Variants in GRM5 observed in about 807,000 individuals in gnomAD.
GRM5 encodes the protein glutamate metabotropic receptor 5.
A neutral mutation model predicts 83.1 loss-of-function variants in GRM5; 19 were observed. The ratio of observed to expected loss-of-function variants is 0.23; its 90% CI spans 0.16 to 0.34. The LOEUF (loss-of-function observed/expected upper bound fraction) is 0.34. GRM5 is among the 10% of genes least tolerant of loss of function. GRM5 has a pLI of 1.00. For synonymous variants in GRM5, 675 were observed against 633.6 expected (o/e 1.07, Z -0.98); for missense variants, 1,160 against 1,588.3 (o/e 0.73, Z 4.58).
intron 2 of GRM5, among the ~76,000 whole-genome samples, chr11:89,024,750 C>T (rs78478787): frequency 0.061 from 9,254 of 152,182 alleles, 636 homozygotes; most frequent in African/African-American, 0.17. Flanking sequence ...AAATCTAATA[C>T]CTTGGCCAAT....
chr11:89,038,901 T>G (rs533131148), intron 2 of GRM5, among the ~76,000 whole-genome samples: 1 of 152,216 alleles, frequency 6.6e-6, no homozygotes, highest in Non-Finnish European at 1.5e-5. Context: ...CACTCTTTAC[T>G]TGTCCATTCT....
intron 2 of GRM5, among the ~76,000 whole-genome samples, chr11:88,946,440 T>C (rs77697540): frequency 0.015 from 2,227 of 152,218 alleles, 58 homozygotes; most frequent in African/African-American, 0.051. Context: ...ACTTGAATGT[T>C]CTTTGCATCA....
intron 2 of GRM5, among the ~76,000 whole-genome samples, chr11:88,999,291 G>C (rs1364294711): frequency 6.6e-6 from 1 of 152,182 alleles, no homozygotes; most frequent in Non-Finnish European, 1.5e-5. Context: ...TACCATCAGA[G>C]TGAACAGGCA....
chr11:88,814,715 C>A, intron 3 of GRM5, among the ~76,000 whole-genome samples: 1 of 151,610 alleles, frequency 6.6e-6, no homozygotes, highest in East Asian at 1.9e-4. Flanking sequence ...ACAACAATCA[C>A]AAAAGTAAAA....
At chr11:88,845,400 G>T (rs1453164474) in intron 3 of GRM5, among the ~76,000 whole-genome samples, 1 of 144,920 alleles carries the variant, frequency 6.9e-6, no homozygotes, top group Middle Eastern at 3.8e-3. Context: ...CACTTATTAG[G>T]CTACAGTACA....
intron 3 of GRM5, among the ~76,000 whole-genome samples, chr11:88,828,869 G>A (rs1253958680): frequency 6.6e-6 from 1 of 151,904 alleles, no homozygotes; most frequent in Admixed American, 6.6e-5. Context: ...AAATTACAAA[G>A]GGTGGTAATA....
chr11:88,642,225 C>T (rs1202444322), intron 4 of GRM5, among the ~76,000 whole-genome samples: 2 of 152,176 alleles, frequency 1.3e-5, no homozygotes, highest in Non-Finnish European at 2.9e-5. Flanking sequence ...TATGTGTTCT[C>T]CTTTGAGCCA....
In GRM5 at chr11:88,933,223, G is replaced by A. The variant is rs551624304; in HGVS notation, c.662-83068C>T. 7.5e-4 allele frequency among the ~76,000 whole-genome samples: 39 copies of A among 52,132 alleles called. No individual in the cohort carries two copies. The South Asian group carries it at 0.023, about 31-fold the overall frequency. The allele number at this position is 52,132 out of a possible 152,430, so 34.2% of individuals were successfully genotyped here. ...TTTTTTTTTTGCTAAGCATATGTTT[G>A]ATTTGCCAGTGGAACAGAATTGTGT... On this transcript the variant is annotated intron_variant, in intron 2 of 9. Transcript: ENST00000305447.
In GRM5 at chr11:88,570,571, A is replaced by ATATATATATATATATTTT. The variant is rs1405339448; in HGVS notation, c.1691-2580_1691-2579insAAAATATATATATATATA. Among the ~76,000 whole-genome samples, 21 of 46,376 alleles carry ATATATATATATATATTTT rather than the reference A, an allele frequency of 4.5e-4. 1 individual carries two copies. Among genetic ancestry groups the ATATATATATATATATTTT allele is most frequent in the African/African-American group, 1.1e-3 (8 of 7,488 alleles). The allele number at this position is 46,376 out of a possible 152,430, so 30.4% of individuals were successfully genotyped here. On this transcript the variant is annotated intron_variant, in intron 7 of 9. Transcript: ENST00000305447. ...TAATAATATATATATATATATATATATTTTTTTTTTTTTTTTTTTTTTTTT... is the reference window on the plus strand; with the variant it reads ...TAATAATATATATATATATATATATATATATATATATATATTTTTTTTTTTTTTTTTTTTTTTTTTTTT...
At chr11:88,728,283 G>T (rs1941725984) in intron 3 of GRM5, among the ~76,000 whole-genome samples, 1 of 151,968 alleles carries the variant, frequency 6.6e-6, no homozygotes, top group Non-Finnish European at 1.5e-5. Flanking sequence ...AGAAGAAATG[G>T]ATAAATTTCT....
intron 2 of GRM5, among the ~76,000 whole-genome samples, chr11:88,945,218 A>G (rs534720371): frequency 6.6e-5 from 10 of 152,044 alleles, no homozygotes; most frequent in Non-Finnish European, 1.5e-4. Flanking sequence ...AACTACTTCA[A>G]AACACTGTTA....
intron 2 of GRM5, among the ~76,000 whole-genome samples, chr11:88,916,534 C>A (rs1438963602): frequency 6.6e-6 from 1 of 152,092 alleles, no homozygotes; most frequent in African/African-American, 2.4e-5. Flanking sequence ...CTAGCACCAC[C>A]ACCATGAGTT....
intron 3 of GRM5, among the ~76,000 whole-genome samples, chr11:88,771,217 C>T (rs1022234409): frequency 1.3e-5 from 2 of 151,830 alleles, no homozygotes; most frequent in Non-Finnish European, 2.9e-5. Flanking sequence ...AAGGATAGAA[C>T]TAATAGGATA....
intron 8 of GRM5, among the ~76,000 whole-genome samples, chr11:88,555,388 C>T (rs9299908): frequency 0.046 from 6,988 of 152,128 alleles, 508 homozygotes; most frequent in African/African-American, 0.15. Context: ...AAGAGTCTCA[C>T]GCGACTGGAC....
intron 2 of GRM5, among the ~76,000 whole-genome samples, chr11:88,938,279 C>T (rs1225582979): frequency 6.6e-6 from 1 of 151,608 alleles, no homozygotes; most frequent in African/African-American, 2.4e-5. Flanking sequence ...CATTTTACTC[C>T]TCTTAGGAAG....
At chr11:88,729,540 A>T (rs1941759163) in intron 3 of GRM5, among the ~76,000 whole-genome samples, 1 of 152,218 alleles carries the variant, frequency 6.6e-6, no homozygotes. Context: ...TAAAATTCAT[A>T]TGGAACCATA....
At chr11:88,775,098 A>T (rs1285482041) in intron 3 of GRM5, among the ~76,000 whole-genome samples, 1 of 152,140 alleles carries the variant, frequency 6.6e-6, no homozygotes, top group African/African-American at 2.4e-5. Flanking sequence ...TAGGCTATTC[A>T]TTATTGCCTC....
At chr11:89,036,112 T>A (rs1393173094) in intron 2 of GRM5, among the ~76,000 whole-genome samples, 1 of 152,026 alleles carries the variant, frequency 6.6e-6, no homozygotes, top group Non-Finnish European at 1.5e-5. Flanking sequence ...TTTAATCCCC[T>A]CTAGTTTCAT....
chr11:88,717,519 C>A (rs1170802176), intron 3 of GRM5, among the ~76,000 whole-genome samples: 1 of 151,736 alleles, frequency 6.6e-6, no homozygotes, highest in Non-Finnish European at 1.5e-5. Context: ...CCTTTAAATA[C>A]CCTGCTAGTA....
Sources: gnomAD v4.1 joint callset for allele counts (sites outside exome capture counted in the v4.1 genomes callset) on GRCh38, gnomAD v4.1.1 for gene constraint, MANE v1.5 for transcripts, NCBI Gene and HGNC (gene_info 2026-07-23, HGNC 2026-07-21) for gene names.